PTPRD: variants seen among roughly 807,000 people sequenced by gnomAD.
The protein encoded by PTPRD is protein tyrosine phosphatase receptor type D.
Under a neutral mutation model 214.5 loss-of-function variants are expected in PTPRD, and 34 were observed. That is an observed-to-expected ratio of 0.16 (90% confidence interval 0.12 to 0.21). The LOEUF is 0.21. PTPRD is among the 10% of genes least tolerant of loss of function. The probability of loss-of-function intolerance (pLI) is 1.00; values close to 1 mark genes in which losing one functional copy is unlikely to be tolerated. For synonymous variants in PTPRD, 1,128 were observed against 845.7 expected, an observed-to-expected ratio of 1.33 and a Z score of -5.79; for missense variants, 2,545 against 2,398.7, an observed-to-expected ratio of 1.06 and a Z score of -1.27.
chr9:9,831,444 G>T (rs1029363791), intron 5 of PTPRD, among the ~76,000 whole-genome samples: 1 of 152,066 alleles, frequency 6.6e-6, no homozygotes, highest in East Asian at 1.9e-4. Context: ...GTTATACCCT[G>T]AAATTGAAAT....
intron 21 of PTPRD, among the ~76,000 whole-genome samples, chr9:8,516,558 G>C (rs1268204599): frequency 6.6e-6 from 1 of 152,076 alleles, no homozygotes; most frequent in Non-Finnish European, 1.5e-5. Context: ...ACAGGTATCA[G>C]TGAAATAGAT....
intron 3 of PTPRD, among the ~76,000 whole-genome samples, chr9:10,334,691 G>T (rs2096813655): frequency 6.6e-6 from 1 of 151,398 alleles, no homozygotes; most frequent in African/African-American, 2.4e-5. Context: ...AAAATCTCAT[G>T]GAACTAATCA....
At chr9:10,349,145 T>G (rs1167953383) in intron 2 of PTPRD, among the ~76,000 whole-genome samples, 1 of 151,564 alleles carries the variant, frequency 6.6e-6, no homozygotes, top group Non-Finnish European at 1.5e-5. Flanking sequence ...TCTCCCCTAC[T>G]GCAATCTCAC....
chr9:10,437,749 A>T (rs2098729624), intron 2 of PTPRD, among the ~76,000 whole-genome samples: 1 of 151,502 alleles, frequency 6.6e-6, no homozygotes, highest in South Asian at 2.1e-4. Flanking sequence ...ACGATTCCAC[A>T]GAATAGTCCA....
chr9:10,303,966 A>G (rs796690810), intron 3 of PTPRD, among the ~76,000 whole-genome samples: 3 of 152,312 alleles, frequency 2.0e-5, no homozygotes, highest in African/African-American at 7.2e-5. Context: ...ACAAAAAAAG[A>G]TAATTTCAGG....
chr9:8,656,536 G>A (rs965141903), intron 12 of PTPRD, among the ~76,000 whole-genome samples: 2 of 152,050 alleles, frequency 1.3e-5, no homozygotes, highest in Non-Finnish European at 1.5e-5. Context: ...GGTACCACAC[G>A]TCACACTGGC....
At chr9:9,457,459 T>C (rs2093171974) in intron 8 of PTPRD, among the ~76,000 whole-genome samples, 1 of 151,966 alleles carries the variant, frequency 6.6e-6, no homozygotes, top group East Asian at 1.9e-4. Context: ...TGTTCTATAT[T>C]TCAGTGATTG....
chr9:10,149,812 C>A (rs887527264), intron 3 of PTPRD, among the ~76,000 whole-genome samples: 1 of 151,228 alleles, frequency 6.6e-6, no homozygotes, highest in African/African-American at 2.4e-5. Flanking sequence ...CTCCTTGCAA[C>A]CTTTGCCTCC....
At chr9:8,641,489 G>A (rs1421213446) in intron 12 of PTPRD, among the ~76,000 whole-genome samples, 1 of 148,436 alleles carries the variant, frequency 6.7e-6, no homozygotes, top group Non-Finnish European at 1.5e-5. Context: ...TGACAAGTGA[G>A]GAGTATGATC....
chr9:9,204,809 C>A (rs1307873010), intron 9 of PTPRD, among the ~76,000 whole-genome samples: 1 of 151,912 alleles, frequency 6.6e-6, no homozygotes, highest in Admixed American at 6.6e-5. Context: ...TAAAAATGAC[C>A]AAAAGAAACC....
intron 11 of PTPRD, among the ~76,000 whole-genome samples, chr9:9,003,144 G>T (rs903020948): frequency 6.6e-6 from 1 of 151,978 alleles, no homozygotes; most frequent in African/African-American, 2.4e-5. Flanking sequence ...TTATTGAAAG[G>T]TTTATTTTAT....
chr9:10,160,963 T>C (rs1037119909), intron 3 of PTPRD, among the ~76,000 whole-genome samples: 4 of 151,786 alleles, frequency 2.6e-5, no homozygotes, highest in Non-Finnish European at 5.9e-5. Flanking sequence ...AACAATCCCA[T>C]TTGCAGTAGC....
chr9:9,717,773 C>T lies in PTPRD; in HGVS notation c.-287+16760G>A, dbSNP rs529466087. On this transcript the variant is annotated intron_variant, in intron 7 of 45. Transcript: ENST00000381196. The stretch of plus-strand genomic sequence containing the variant: ...AAGGAATTAATCTTAGCAAGGTAAA[C>T]CCTTGTTTTTGATTTCTCAGACCCT... Among the ~76,000 whole-genome samples, 19 of 152,202 alleles carry T rather than the reference C, an allele frequency of 1.2e-4. No homozygotes were observed. The East Asian group carries it at 3.1e-3, about 25-fold the overall frequency.
intron 6 of PTPRD, among the ~76,000 whole-genome samples, chr9:9,737,899 C>G (rs1348407574): frequency 6.6e-6 from 1 of 152,082 alleles, no homozygotes; most frequent in Non-Finnish European, 1.5e-5. Flanking sequence ...GATGAACTGC[C>G]AAACTGTCTT....
At chr9:10,571,016 G>C (rs552331719) in intron 2 of PTPRD, among the ~76,000 whole-genome samples, 2 of 151,838 alleles carry the variant, frequency 1.3e-5, no homozygotes, top group South Asian at 4.2e-4. Flanking sequence ...TCATGCTGCT[G>C]GTTTTTGTGG....
chr9:9,557,142 G>A (rs2081730306), intron 8 of PTPRD, among the ~76,000 whole-genome samples: 1 of 152,108 alleles, frequency 6.6e-6, no homozygotes, highest in Admixed American at 6.5e-5. Flanking sequence ...CAAAATTATA[G>A]CTCCCGCAAT....
intron 11 of PTPRD, among the ~76,000 whole-genome samples, chr9:8,871,809 C>T (rs746369538): frequency 1.1e-4 from 17 of 152,048 alleles, no homozygotes; most frequent in Non-Finnish European, 2.2e-4. Flanking sequence ...TAACTTAATT[C>T]AAAATTTCGT....
At chr9:8,607,974 T>C (rs1304836780) in intron 14 of PTPRD, among the ~76,000 whole-genome samples, 2 of 152,228 alleles carry the variant, frequency 1.3e-5, no homozygotes, top group African/African-American at 2.4e-5. Flanking sequence ...ACATGGAGGC[T>C]GCCTGCCACA....
At chr9:9,347,475 C>G (rs1404885213) in intron 9 of PTPRD, among the ~76,000 whole-genome samples, 2 of 151,782 alleles carry the variant, frequency 1.3e-5, no homozygotes, top group Admixed American at 6.6e-5. Flanking sequence ...CTTTTTATCC[C>G]TCAGGGTAAA....
Sources: gnomAD v4.1 joint callset for allele counts (sites outside exome capture counted in the v4.1 genomes callset) on GRCh38, gnomAD v4.1.1 for gene constraint, MANE v1.5 for transcripts, NCBI Gene and HGNC (gene_info 2026-07-23, HGNC 2026-07-21) for gene names.